ATG7: variants seen among roughly 807,000 people sequenced by gnomAD.
ATG7 encodes autophagy related 7, also known as ubiquitin-like modifier-activating enzyme ATG7.
Under a neutral mutation model 82.4 loss-of-function variants are expected in ATG7, and 70 were observed. The observed-to-expected ratio is 0.85, with a 90% confidence interval of 0.70 to 1.04. The LOEUF (loss-of-function observed/expected upper bound fraction) is 1.04. Ranked by LOEUF, ATG7 falls within the 50% of genes least tolerant of loss-of-function variation. The pLI, the probability that ATG7 is intolerant of heterozygous loss-of-function variation, is 0.00. For missense variants in ATG7, 792 were observed against 864.3 expected (o/e 0.92, Z 1.05); for synonymous variants, 287 against 313.0 (o/e 0.92, Z 0.88).
At chr3:11,453,370 A>T (rs543605956) in intron 20 of ATG7, among the ~76,000 whole-genome samples, 1 of 152,310 alleles carries the variant, frequency 6.6e-6, no homozygotes, top group African/African-American at 2.4e-5. Flanking sequence ...ATAATACTAG[A>T]AAACTCAGAG....
rs778706247 is a variant in ATG7, at chr3:11,297,127, G to A, written c.-10-1559G>A. The stretch of plus-strand genomic sequence containing the variant: ...AATCGCAGCACTTTGGGAGACCAGG[G>A]TGGAAGGATCACAAATCCAAGAGCT... On this transcript the variant is annotated intron_variant, in intron 3 of 20. Transcript: ENST00000693202. Among the ~76,000 whole-genome samples, 3 of 152,132 alleles carry A rather than the reference G, an allele frequency of 2.0e-5. No homozygotes were observed. The South Asian group carries it at 6.2e-4, about 32-fold the overall frequency.
chr3:11,301,609 C>T (rs983645171), intron 5 of ATG7, among the ~76,000 whole-genome samples: 11 of 152,140 alleles, frequency 7.2e-5, no homozygotes, highest in Admixed American at 4.6e-4. Flanking sequence ...CTTGCTCCAT[C>T]GTAAACTGCT....
At chr3:11,369,722 A>G (rs1373664771) in intron 18 of ATG7, among the ~76,000 whole-genome samples, 2 of 151,152 alleles carry the variant, frequency 1.3e-5, no homozygotes, top group East Asian at 1.9e-4. Flanking sequence ...TTATAATGTC[A>G]GCGTTCAGAA....
chr3:11,574,586 C>T, the ATG7 span, among the ~76,000 whole-genome samples: 30 of 152,270 alleles, frequency 2.0e-4, no homozygotes, highest in African/African-American at 5.5e-4. Context: ...TCACCTAGAC[C>T]ACTGTAGGGT....
rs751642577 is a variant in ATG7 at position 11,306,962 on chromosome 3, C to G, written c.235C>G (p.Arg79Gly). Reference sequence around the variant, plus strand: ...ATCTAGGAGTGCTCCCACCCCAGCCCGTTGCTGCCCAGCTATTGGAACACT... The same window carrying G: ...ATCTAGGAGTGCTCCCACCCCAGCCGGTTGCTGCCCAGCTATTGGAACACT... The part of the protein sequence containing the change: ...AFDMSAPTPA[R>G]CCPAIGTLYN... The change falls in exon 6 of 21, where the codon CGT (arginine) becomes GGT (glycine). Residue 79 changes from arginine to glycine, a missense_variant. Transcript: ENST00000693202. The G allele has an allele frequency of 1.2e-6, 2 of 1,613,860 alleles. No individual in the cohort carries two copies. Among genetic ancestry groups the G allele is most frequent in the African/African-American group, 2.7e-5 (2 of 74,884 alleles).
At chr3:11,303,393 G>C (rs1947104162) in intron 5 of ATG7, among the ~76,000 whole-genome samples, 1 of 152,244 alleles carries the variant, frequency 6.6e-6, no homozygotes, top group Admixed American at 6.5e-5. Context: ...TTTTCCGCCA[G>C]GCGCGGTGGC....
intron 20 of ATG7, among the ~76,000 whole-genome samples, chr3:11,519,045 A>AT (rs1337568639): frequency 3.3e-5 from 5 of 152,030 alleles, no homozygotes; most frequent in Non-Finnish European, 5.9e-5. Context: ...ATCTTCAAAC[A>AT]TTTTTTTCCC....
intron 3 of ATG7, among the ~76,000 whole-genome samples, chr3:11,293,207 T>C (rs1325443051): frequency 1.3e-5 from 2 of 152,180 alleles, no homozygotes; most frequent in East Asian, 1.9e-4. Flanking sequence ...CTGAGATTCA[T>C]TGGCATACAG....
At chr3:11,486,122 T>C (rs1031264969) in intron 20 of ATG7, among the ~76,000 whole-genome samples, 11 of 152,186 alleles carry the variant, frequency 7.2e-5, no homozygotes, top group African/African-American at 2.7e-4. Flanking sequence ...AATCTATAAA[T>C]TACCTTGGGC....
At chr3:11,359,092 C>T (rs2076119783) in intron 15 of ATG7, among the ~76,000 whole-genome samples, 1 of 151,870 alleles carries the variant, frequency 6.6e-6, no homozygotes, top group South Asian at 2.1e-4. Context: ...ATATTTTATA[C>T]CAATTATGTT....
At chr3:11,563,607 C>T in the ATG7 span, among the ~76,000 whole-genome samples, 283 of 152,314 alleles carry the variant, frequency 1.9e-3, no homozygotes, top group African/African-American at 6.4e-3. Flanking sequence ...GCTCGTAAAA[C>T]GTTGAAATGA....
chr3:11,529,823 CAAGG>C (rs1246101696), intron 20 of ATG7: 1 of 152,286 alleles, frequency 6.6e-6, no homozygotes, highest in Non-Finnish European at 1.5e-5. Flanking sequence ...CCGAAGGTAC[CAAGG>C]ATGCTGAGAT....
downstream of ATG7, among the ~76,000 whole-genome samples, chr3:11,561,115 G>A (rs1353889146): frequency 6.8e-6 from 1 of 146,716 alleles, no homozygotes; most frequent in East Asian, 1.9e-4. Context: ...ATGACCTTGG[G>A]CTCTAGGAGA....
the ATG7 span, among the ~76,000 whole-genome samples, chr3:11,572,300 CT>C: frequency 6.6e-6 from 1 of 152,264 alleles, no homozygotes; most frequent in Admixed American, 6.5e-5. Flanking sequence ...GGCTAAGTAA[CT>C]TTTCTAAGTT....
chr3:11,499,094 C>T (rs369462716), intron 20 of ATG7, among the ~76,000 whole-genome samples: 4 of 152,130 alleles, frequency 2.6e-5, no homozygotes, highest in East Asian at 1.9e-4. Context: ...TAATTATGTC[C>T]TAACAATTTA....
chr3:11,572,500 C>T, the ATG7 span, among the ~76,000 whole-genome samples: 1 of 152,158 alleles, frequency 6.6e-6, no homozygotes, highest in Non-Finnish European at 1.5e-5. Context: ...AACATGCAGA[C>T]GCATGAGGTC....
At chr3:11,388,432 C>CTT (rs111590381) in intron 19 of ATG7, among the ~76,000 whole-genome samples, 29 of 137,516 alleles carry the variant, frequency 2.1e-4, no homozygotes, top group Non-Finnish European at 2.4e-4. Context: ...CATGTTCCTT[C>CTT]TTTTTTTTTT....
At chr3:11,573,314 A>AAT in the ATG7 span, among the ~76,000 whole-genome samples, 1 of 13,756 alleles carries the variant, frequency 7.3e-5, no homozygotes, top group African/African-American at 4.3e-4. Flanking sequence ...AAAGGAAGGA[A>AAT]GGAAGAAAGA....
At position 11,354,465 on chromosome 3, in the gene ATG7, A is replaced by C. The variant is rs558280701; in HGVS notation, c.1285-3953A>C. On this transcript the variant is annotated intron_variant, in intron 14 of 20. Transcript: ENST00000693202. ...GAGATTGAGATCCATCCTGGCCAAC[A>C]TGGTGAAACCCCGTCTCTACTAAAA... Among the ~76,000 whole-genome samples the C allele has an allele frequency of 1.6e-4, 24 of 152,168 alleles. No homozygotes were observed. The South Asian group carries it at 5.0e-3, about 32-fold the overall frequency.
Sources: gnomAD v4.1 joint callset for allele counts (sites outside exome capture counted in the v4.1 genomes callset) on GRCh38, gnomAD v4.1.1 for gene constraint, MANE v1.5 for transcripts, NCBI Gene and HGNC (gene_info 2026-07-23, HGNC 2026-07-21) for gene names.